The following RALGPS1 variants were observed in gnomAD, a reference collection of about 807,000 sequenced individuals.
RALGPS1 encodes Ral GEF with PH domain and SH3 binding motif 1.
In RALGPS1, 19 loss-of-function variants were observed where a neutral mutation model predicts 78.8. The ratio of observed to expected loss-of-function variants is 0.24; its 90% confidence interval spans 0.17 to 0.35. The LOEUF is 0.35. Among genes scored for constraint, RALGPS1 ranks in the 10% least tolerant of loss-of-function variants. The pLI, the probability that RALGPS1 is intolerant of heterozygous loss-of-function variation, is 1.00. For missense variants in RALGPS1, 454 were observed against 688.3 expected, an observed-to-expected ratio of 0.66 and a Z score of 3.81; for synonymous variants, 228 against 256.3, an observed-to-expected ratio of 0.89 and a Z score of 1.06.
chr9:127,154,039 C>T (rs370279293), intron 8 of RALGPS1, among the ~76,000 whole-genome samples: 3 of 152,316 alleles, frequency 2.0e-5, no homozygotes, highest in African/African-American at 4.8e-5. Context: ...CAGCCAGTGA[C>T]GGCCCAGGCT....
At chr9:127,124,088 A>G (rs937675210) in intron 8 of RALGPS1, among the ~76,000 whole-genome samples, 2 of 152,038 alleles carry the variant, frequency 1.3e-5, no homozygotes, top group Admixed American at 6.5e-5. Flanking sequence ...GGCCCAAGCA[A>G]TCTCTCCCAG....
chr9:126,984,764 C>T (rs2041639673), intron 4 of RALGPS1, among the ~76,000 whole-genome samples: 1 of 152,054 alleles, frequency 6.6e-6, no homozygotes, highest in South Asian at 2.1e-4. Context: ...GCTTTTTGGC[C>T]CAACAAGATC....
intron 8 of RALGPS1, among the ~76,000 whole-genome samples, chr9:127,142,081 G>A (rs2057817589): frequency 6.6e-6 from 1 of 152,210 alleles, no homozygotes; most frequent in African/African-American, 2.4e-5. Context: ...TGCTTCATTT[G>A]GAACATTCTG....
intron 3 of RALGPS1, among the ~76,000 whole-genome samples, chr9:126,973,364 T>C (rs949177790): frequency 2.0e-5 from 3 of 152,084 alleles, no homozygotes; most frequent in South Asian, 2.1e-4. Context: ...GGTAAGACAC[T>C]CTCTCTAAAA....
chr9:127,031,602 A>G (rs1023947047), intron 4 of RALGPS1, among the ~76,000 whole-genome samples: 1 of 152,170 alleles, frequency 6.6e-6, no homozygotes, highest in African/African-American at 2.4e-5. Flanking sequence ...GCATCTTCAT[A>G]TTTAGTACTG....
At position 127,214,965 on chromosome 9, in the gene RALGPS1, C is replaced by G; in HGVS notation, c.1644+123C>G. ...CCCATTAGCCACACTCTCAGATACC[C>G]TCTTCTGATCAGCATCTTCCCTTGA... On this transcript the variant is annotated intron_variant, in intron 18 of 18. Transcript: ENST00000259351. 4 of 1,468,784 alleles carry G rather than the reference C, an allele frequency of 2.7e-6. No individual in the cohort carries two copies. In the South Asian group the frequency reaches 5.3e-5, roughly 19 times the overall value. 91.0% of individuals were successfully genotyped at this position (1,468,784 alleles called of 1,614,324 possible).
At chr9:127,119,539 G>T (rs188867839) in intron 8 of RALGPS1, among the ~76,000 whole-genome samples, 1 of 152,296 alleles carries the variant, frequency 6.6e-6, no homozygotes, top group East Asian at 1.9e-4. Context: ...AACCTCTCGA[G>T]ACTTAGTTTT....
At chr9:126,930,155 GT>G (rs2035664999) in intron 1 of RALGPS1, among the ~76,000 whole-genome samples, 1 of 149,296 alleles carries the variant, frequency 6.7e-6, no homozygotes, top group South Asian at 2.1e-4. Flanking sequence ...CCTAATGTTT[GT>G]TTATTTATTT....
chr9:126,924,280 A>G (rs2035053464), intron 1 of RALGPS1, among the ~76,000 whole-genome samples: 2 of 152,360 alleles, frequency 1.3e-5, no homozygotes, highest in South Asian at 4.1e-4. Context: ...GTGTGACTGT[A>G]TAGGAAAAGG....
intron 7 of RALGPS1, among the ~76,000 whole-genome samples, chr9:127,068,538 T>C (rs1170887351): frequency 6.6e-6 from 1 of 152,222 alleles, no homozygotes; most frequent in Non-Finnish European, 1.5e-5. Context: ...CTTTGGGGGA[T>C]AACTTCCAAG....
chr9:127,172,107 G>A (rs1013222914), intron 10 of RALGPS1, among the ~76,000 whole-genome samples: 6 of 152,042 alleles, frequency 3.9e-5, no homozygotes, highest in South Asian at 2.1e-4. Context: ...ATTTAGCTGC[G>A]TTTCATCAGG....
chr9:127,199,679 C>T (rs1297095466), intron 14 of RALGPS1, among the ~76,000 whole-genome samples: 1 of 152,142 alleles, frequency 6.6e-6, no homozygotes, highest in Non-Finnish European at 1.5e-5. Context: ...GAATTCCCAT[C>T]GCACAGCTCC....
intron 18 of RALGPS1, chr9:127,216,840 C>A: frequency 7.2e-7 from 1 of 1,396,908 alleles, no homozygotes. Context: ...GTCTGGGGTC[C>A]CTCAGTAGCT....
At chr9:127,200,207 A>G (rs979153115) in intron 14 of RALGPS1, among the ~76,000 whole-genome samples, 1 of 152,208 alleles carries the variant, frequency 6.6e-6, no homozygotes, top group Non-Finnish European at 1.5e-5. Context: ...CTTAGTCTTC[A>G]TAATCATAAA....
intron 7 of RALGPS1, among the ~76,000 whole-genome samples, chr9:127,062,351 G>A (rs192124381): frequency 2.0e-5 from 3 of 152,308 alleles, no homozygotes; most frequent in Non-Finnish European, 2.9e-5. Flanking sequence ...ACCCACCTCA[G>A]CCTCCCAAAG....
chr9:126,960,208 C>CCTCT (rs2038759999), intron 1 of RALGPS1, among the ~76,000 whole-genome samples: 1 of 64,808 alleles, frequency 1.5e-5, no homozygotes, highest in Non-Finnish European at 3.3e-5. Flanking sequence ...TCCCTCCCTC[C>CCTCT]CTCCCTCCCT....
intron 8 of RALGPS1, among the ~76,000 whole-genome samples, chr9:127,083,331 G>A (rs1300583696): frequency 6.6e-6 from 1 of 152,244 alleles, no homozygotes; most frequent in East Asian, 1.9e-4. Flanking sequence ...CTGGGAGCCA[G>A]CATTGGAACA....
At chr9:126,988,746 G>A (rs151268308) in intron 4 of RALGPS1, among the ~76,000 whole-genome samples, 2 of 152,330 alleles carry the variant, frequency 1.3e-5, no homozygotes, top group Non-Finnish European at 1.5e-5. Context: ...TGTTATACTG[G>A]TTGTGAGGCT....
intron 1 of RALGPS1, among the ~76,000 whole-genome samples, chr9:126,927,478 G>A (rs550211574): frequency 5.5e-4 from 84 of 152,214 alleles, no homozygotes; most frequent in African/African-American, 2.0e-3. Flanking sequence ...AATTCATTAG[G>A]GAATTATTGC....
Sources: allele counts gnomAD v4.1 joint callset (sites outside exome capture counted in the v4.1 genomes callset), GRCh38; gene constraint gnomAD v4.1.1; transcripts MANE v1.5; gene names NCBI Gene and HGNC (gene_info 2026-07-23, HGNC 2026-07-21).